Variants in DTX2 observed in about 807,000 individuals in gnomAD.
The protein encoded by DTX2 is probable E3 ubiquitin-protein ligase DTX2.
Under a neutral mutation model 55.3 loss-of-function variants are expected in DTX2, and 29 were observed. The observed-to-expected ratio is 0.52, with a 90% CI of 0.39 to 0.71. The LOEUF is 0.71. Among genes scored for constraint, DTX2 ranks in the 30% least tolerant of loss-of-function variants. The probability of loss-of-function intolerance (pLI) is 0.00; values close to 1 mark genes in which losing one functional copy is unlikely to be tolerated. For synonymous variants in DTX2, 276 were observed against 340.4 expected, an observed-to-expected ratio of 0.81 and a Z score of 2.08; for missense variants, 537 against 822.5, an observed-to-expected ratio of 0.65 and a Z score of 4.25.
chr7:76,503,624 T>C, intron 9 of DTX2, 37 bp downstream of exon 9: 3 of 1,576,956 alleles, frequency 1.9e-6, no homozygotes, highest in Non-Finnish European at 2.6e-6. Flanking sequence ...TCCTGGCCAC[T>C]CCTCTTCCCA....
chr7:76,505,625 T>C lies in DTX2; in HGVS notation c.*24T>C, dbSNP rs1247930040. On this transcript the variant is annotated 3_prime_UTR_variant, in exon 11 of 11. Transcript: ENST00000430490. The surrounding 1 kb of genome is among the most constrained non-coding windows in gnomAD (Gnocchi z 4.4). ...GACCTCGCACCCCAGCACGCCCGCC[T>C]CTGGTGGCCACCCCGCTGCCCCATG... 2.0e-6 allele frequency: 3 copies of C among 1,534,288 alleles called. No homozygotes were observed. Among genetic ancestry groups the C allele is most frequent in the Non-Finnish European group, 1.7e-6 (2 of 1,144,382 alleles).
chr7:76,475,787 T>C (rs1428220655), intron 2 of DTX2, among the ~76,000 whole-genome samples: 1 of 118,702 alleles, frequency 8.4e-6, no homozygotes, highest in Non-Finnish European at 1.8e-5. Flanking sequence ...TTTATTTTTA[T>C]GAGACAGGGT....
rs773999130 is a variant in DTX2 at position 76,505,422 on chromosome 7, G to T, written c.1690G>T (p.Val564Leu). ...VAWKRRLIFT[V>L]GTSSTTGETD... is the part of the protein sequence containing the mutation. ...CTGGAAGAGGCGGCTCATCTTCACA[G>T]TGGGCACGTCCAGCACCACGGGTGA... The change falls in exon 11 of 11, where the codon GTG (valine) becomes TTG (leucine). Residue 564 changes from valine to leucine, a missense_variant. By Grantham distance (32) the Val-to-Leu change is conservative. Transcript: ENST00000430490. The surrounding 1 kb of genome is among the most constrained non-coding windows in gnomAD (Gnocchi z 4.4). 1.3e-6 allele frequency: 2 copies of T among 1,598,732 alleles called. No individual in the cohort carries two copies. The highest frequency in any genetic ancestry group is 4.6e-5 in the East Asian group (2 of 43,898).
Position 76,482,545 on chromosome 7 carries a change from G to C in DTX2, c.306G>C (p.Gln102His). ...MRAVRRHLFP[Q>H]HSAPGRGVVW... ...CTGTGCGGAGACACCTGTTCCCCCA[G>C]CACTCAGCCCCTGGCCGAGGTGTCG... Residue 102 changes from glutamine to histidine, a missense_variant, in exon 4 of 11, where the codon CAG (glutamine) becomes CAC (histidine). By Grantham distance (24) the Gln-to-His change is conservative. Around this residue, in one of 7 missense-constraint regions of DTX2, gnomAD observed 301 missense variants for 396.6 expected, o/e 0.76. Transcript: ENST00000430490. The C allele has an allele frequency of 6.2e-7, 1 of 1,611,340 alleles. No homozygotes were observed. Among genetic ancestry groups the C allele is most frequent in the Non-Finnish European group, 8.5e-7 (1 of 1,177,888 alleles).
rs530750641 is a variant in DTX2 at position 76,503,523 on chromosome 7, C to T, written c.1487C>T (p.Ser496Leu). Residue 496 changes from serine to leucine, a missense_variant, in exon 9 of 11, where the codon TCG becomes TTG. Physicochemically the swap from Ser to Leu is moderately radical, Grantham distance 145. Coordinates refer to ENST00000430490, the MANE Select transcript of DTX2 (RefSeq NM_001102594.3). The stretch of plus-strand genomic sequence containing the variant: ...ATGGAGGTATTACGGTTCCAGATGT[C>T]GCTCCCCGGCCACGAGGACTGCGGG... Reference protein sequence around the residue: ...GKMEVLRFQMSLPGHEDCGTI... With the variant: ...GKMEVLRFQMLLPGHEDCGTI... The T allele has an allele frequency of 3.2e-5, 51 of 1,612,846 alleles. No individual in the cohort carries two copies. In the Middle Eastern group the frequency reaches 6.6e-4, roughly 21 times the overall value.
At chr7:76,480,391 G>T (rs1809038968) in intron 2 of DTX2, 30 bp from the exon 3 acceptor site, 1 of 1,187,604 alleles carries the variant, frequency 8.4e-7, no homozygotes, top group Non-Finnish European at 1.2e-6. Context: ...GATGTGCATT[G>T]GTAACTGCTC....
At chr7:76,501,258 T>C (rs1411448790) in intron 7 of DTX2, 1 of 456,164 alleles carries the variant, frequency 2.2e-6, no homozygotes, top group Non-Finnish European at 4.4e-6. Flanking sequence ...CACTTGTCTC[T>C]TTCTCCAGTC....
rs1464972316 is a variant in DTX2, at chr7:76,505,731, A to AAGCCGGGGCTCCCCCTGCCTGC, written c.*131_*152dup. On this transcript the variant is annotated 3_prime_UTR_variant, in exon 11 of 11. Coordinates refer to ENST00000430490, the MANE Select transcript of DTX2 (RefSeq NM_001102594.3). The surrounding 1 kb of genome is among the most constrained non-coding windows in gnomAD (Gnocchi z 4.4). ...GAGGGTGTGGGGTGTGCCCCACCTG[A>AAGCCGGGGCTCCCCCTGCCTGC]AGCCGGGGCTCCCCCTGCCTGCCTC... is the stretch of plus-strand genomic sequence containing the variant. The AAGCCGGGGCTCCCCCTGCCTGC allele has an allele frequency of 4.2e-6, 4 of 954,578 alleles. No homozygotes were observed. Among genetic ancestry groups the AAGCCGGGGCTCCCCCTGCCTGC allele is most frequent in the Non-Finnish European group, 6.2e-6 (4 of 646,156 alleles). The allele number at this position is 954,578 out of a possible 1,614,324, so 59.1% of individuals were successfully genotyped here. A position where few individuals can be genotyped will look rare whatever the true frequency, so the allele number is the denominator to read the frequency against.
At chr7:76,468,448 ATTTTTTTTTT>A (rs1202957368) in intron 2 of DTX2, among the ~76,000 whole-genome samples, 3 of 37,074 alleles carry the variant, frequency 8.1e-5, no homozygotes, top group Non-Finnish European at 1.6e-4. Flanking sequence ...GCCCACTGCC[ATTTTTTTTTT>A]TTTTTTTTTT....
Position 76,475,265 on chromosome 7 carries a change from C to T in DTX2, c.-89-5156C>T, listed in dbSNP as rs1243230197. 5.4e-5 allele frequency among the ~76,000 whole-genome samples: 8 copies of T among 149,374 alleles called. No individual in the cohort carries two copies. In the East Asian group the frequency reaches 1.4e-3, roughly 27 times the overall value. ...GGCGGAGGTTGCAGTGAGCCGAGAT[C>T]ACGCCATTGCACTCCAGCCTGGGCA... On this transcript the variant is annotated intron_variant, in intron 2 of 10. Coordinates refer to ENST00000430490, the MANE Select transcript of DTX2 (RefSeq NM_001102594.3).
Position 76,473,627 on chromosome 7 carries a change from G to A in DTX2, c.-89-6794G>A, listed in dbSNP as rs1364320019. Among the ~76,000 whole-genome samples the A allele has an allele frequency of 2.9e-4, 29 of 98,832 alleles. 9 individuals carry two copies. Among genetic ancestry groups the A allele is most frequent in the South Asian group, 9.2e-4 (2 of 2,176 alleles). The allele number at this position is 98,832 out of a possible 152,430, so 64.8% of individuals were successfully genotyped here. A position where few individuals can be genotyped will look rare whatever the true frequency, so the allele number is the denominator to read the frequency against. The stretch of plus-strand genomic sequence containing the variant: ...TGAGACCAGCCCTGGCCAACATAGC[G>A]AAACCCCGTTTCTACTAAAAATACA... On this transcript the variant is annotated intron_variant, in intron 2 of 10. Coordinates refer to ENST00000430490, the MANE Select transcript of DTX2 (RefSeq NM_001102594.3).
intron 2 of DTX2, among the ~76,000 whole-genome samples, chr7:76,475,593 A>G (rs1218288919): frequency 6.7e-6 from 1 of 149,866 alleles, no homozygotes; most frequent in African/African-American, 2.5e-5. Flanking sequence ...AGGCTGCAGC[A>G]GGAGAACTGC....
chr7:76,466,647 A>G (rs1434172119), intron 2 of DTX2, among the ~76,000 whole-genome samples: 1 of 151,500 alleles, frequency 6.6e-6, no homozygotes, highest in South Asian at 2.1e-4. Context: ...GCTGGAGTGC[A>G]ATGGCACGAT....
In DTX2 at chr7:76,480,773, C is replaced by G; in HGVS notation, c.264C>G (p.Asp88Glu). 6.2e-7 allele frequency: 1 copy of G among 1,601,672 alleles called. No individual in the cohort carries two copies. Residue 88 changes from aspartate to glutamate, a missense_variant, in exon 3 of 11, where the codon GAC becomes GAG. Asp to Glu is a conservative substitution (Grantham distance 45). Around this residue, in one of 7 missense-constraint regions of DTX2, gnomAD observed 301 missense variants for 396.6 expected, o/e 0.76. Coordinates refer to ENST00000430490, the MANE Select transcript of DTX2 (RefSeq NM_001102594.3). ...CCAGCTGGACCCAGTTCCGCCAGGA[C>G]ACCGGTAAGACGCTGTCTGCCTCTC... ...DLPSWTQFRQ[D>E]TGTMRAVRRH...
Position 76,482,623 on chromosome 7 carries a change from C to T in DTX2, c.384C>T (p.Val128=). ...CCTGGACTGCCTATGAAGCCAGCGT[C>T]TGTGACTATCTGGAGCAGCAGGTGG... ...DGSWTAYEAS[V]CDYLEQQVAR... is the part of the protein sequence containing the mutation. The change falls in exon 4 of 11, where the codon GTC becomes GTT. Residue 128 remains valine, a synonymous_variant. Transcript: ENST00000430490. The T allele has an allele frequency of 6.2e-7, 1 of 1,613,864 alleles. No individual in the cohort carries two copies. The highest frequency in any genetic ancestry group is 1.7e-4 in the Middle Eastern group (1 of 6,046).
chr7:76,505,357 T>C lies in DTX2; in HGVS notation c.1642-17T>C, dbSNP rs567492749. 1.0e-4 allele frequency: 158 copies of C among 1,554,234 alleles called. 1 individual carries two copies. The South Asian group carries it at 1.7e-3, about 17-fold the overall frequency. On this transcript the variant is annotated splice_polypyrimidine_tract_variant and intron_variant, in intron 10 of 10. Transcript: ENST00000430490. The surrounding 1 kb of genome is among the most constrained non-coding windows in gnomAD (Gnocchi z 4.4). The stretch of plus-strand genomic sequence containing the variant: ...TCCGTCCCCTCCTTCCTCTTCCCCC[T>C]CCTCCTCCCCGGGCAGGTCCTAGAG...
At chr7:76,498,805 G>T (rs144789597) in intron 6 of DTX2, among the ~76,000 whole-genome samples, 6 of 132,654 alleles carry the variant, frequency 4.5e-5, no homozygotes, top group Admixed American at 1.5e-4. Context: ...GGTGTGTGGA[G>T]GTGTGGGGTG....
At chr7:76,494,679 T>C (rs1409413999) in intron 5 of DTX2, among the ~76,000 whole-genome samples, 1 of 116,362 alleles carries the variant, frequency 8.6e-6, no homozygotes, top group Non-Finnish European at 1.8e-5. Flanking sequence ...AAGCAGGTAT[T>C]TTAACATCCA....
rs1812217469 is a variant in DTX2 at position 76,505,312 on chromosome 7, T to G, written c.1642-62T>G. 4 of 1,391,294 alleles carry G rather than the reference T, an allele frequency of 2.9e-6. No individual in the cohort carries two copies. Among genetic ancestry groups the G allele is most frequent in the Admixed American group, 2.0e-5 (1 of 49,834 alleles). The allele number at this position is 1,391,294 out of a possible 1,614,324, so 86.2% of individuals were successfully genotyped here. Reference sequence around the variant, plus strand: ...GAACATGGTGCCAACCCGTGCCTGCTCACTGAGCCCCTCTCACTCTCCGTC... The same window carrying G: ...GAACATGGTGCCAACCCGTGCCTGCGCACTGAGCCCCTCTCACTCTCCGTC... On this transcript the variant is annotated intron_variant, in intron 10 of 10. Coordinates refer to ENST00000430490, the MANE Select transcript of DTX2 (RefSeq NM_001102594.3). This position sits in a 1 kb window ranked among gnomAD's most constrained non-coding sequence, Gnocchi z 4.4.
Sources: gnomAD v4.1 joint callset for allele counts (sites outside exome capture counted in the v4.1 genomes callset) on GRCh38, gnomAD v4.1.1 for gene constraint, gnomAD v4.1.1 regional missense constraint, Gnocchi (gnomAD v3.1) non-coding constraint, MANE v1.5 for transcripts, NCBI Gene and HGNC (gene_info 2026-07-23, HGNC 2026-07-21) for gene names.